Variants in PDE8B observed in about 807,000 individuals in gnomAD.
PDE8B encodes phosphodiesterase 8B.
In PDE8B, 26 loss-of-function variants were observed where a neutral mutation model predicts 101.3. The ratio of observed to expected loss-of-function variants is 0.26; its 90% CI spans 0.19 to 0.36. The LOEUF (loss-of-function observed/expected upper bound fraction) is 0.36, where lower values mean the gene tolerates loss of function less well. PDE8B is among the 10% of genes least tolerant of loss of function. The probability of loss-of-function intolerance (pLI) is 1.00; values close to 1 mark genes in which losing one functional copy is unlikely to be tolerated. For synonymous variants in PDE8B, 424 were observed against 429.3 expected, an observed-to-expected ratio of 0.99 and a Z score of 0.15; for missense variants, 810 against 1,163.1, an observed-to-expected ratio of 0.70 and a Z score of 4.42.
At chr5:77,378,115 G>A (rs886415670) in intron 10 of PDE8B, among the ~76,000 whole-genome samples, 10 of 151,358 alleles carry the variant, frequency 6.6e-5, no homozygotes, top group Admixed American at 6.6e-5. Flanking sequence ...TACCAATGAC[G>A]AAACTGAGAC....
chr5:77,396,813 T>C lies in PDE8B; in HGVS notation c.1168-3435T>C, dbSNP rs117123740. Among the ~76,000 whole-genome samples the C allele has an allele frequency of 4.5e-4, 68 of 152,262 alleles. No individual in the cohort carries two copies. In the East Asian group the frequency reaches 0.012, roughly 26 times the overall value. On this transcript the variant is annotated intron_variant, in intron 10 of 21. Transcript: ENST00000264917. ...CTTTCATGTAGAATTGTTTCTCTTA[T>C]ATTTAGTAGTTTTAATTACATATAT...
chr5:77,374,251 C>A (rs930130501), intron 10 of PDE8B, among the ~76,000 whole-genome samples: 1 of 152,060 alleles, frequency 6.6e-6, no homozygotes, highest in Non-Finnish European at 1.5e-5. Context: ...CACTTACTTT[C>A]AATCTGTGTC....
At chr5:77,336,048 C>T (rs117877383) in intron 5 of PDE8B, among the ~76,000 whole-genome samples, 8 of 152,224 alleles carry the variant, frequency 5.3e-5, no homozygotes, top group East Asian at 3.9e-4. Flanking sequence ...TCTTTAAACG[C>T]GGGACTTGAG....
chr5:77,307,383 A>C (rs1022794242), intron 1 of PDE8B, among the ~76,000 whole-genome samples: 8 of 152,244 alleles, frequency 5.3e-5, no homozygotes, highest in African/African-American at 1.9e-4. Flanking sequence ...GGGAGAGAAA[A>C]TGTCTCTCAA....
the PDE8B span, chr5:77,147,080 A>G: frequency 7.6e-6 from 3 of 394,742 alleles, no homozygotes; most frequent in Non-Finnish European, 1.5e-5. Flanking sequence ...AGCCTGATGC[A>G]GCAAAAAAGG....
Position 77,388,089 on chromosome 5 carries a change from A to C in PDE8B, c.1168-12159A>C, listed in dbSNP as rs1262414306. Among the ~76,000 whole-genome samples the C allele has an allele frequency of 2.6e-5, 4 of 151,982 alleles. No homozygotes were observed. In the South Asian group the frequency reaches 8.3e-4, roughly 32 times the overall value. ...AAGCCTACTTCTGTCAATTCGTCAAACTCATTCTCTGTCCAGTTTTGTTCC... is the reference window on the plus strand; with the variant it reads ...AAGCCTACTTCTGTCAATTCGTCAACCTCATTCTCTGTCCAGTTTTGTTCC... On this transcript the variant is annotated intron_variant, in intron 10 of 21. Transcript: ENST00000264917.
At chr5:77,202,876 A>T in the PDE8B span, among the ~76,000 whole-genome samples, 6 of 152,360 alleles carry the variant, frequency 3.9e-5, no homozygotes, top group African/African-American at 1.4e-4. Flanking sequence ...CTGGGATTAC[A>T]GGTTAGAGCC....
At chr5:77,231,836 G>A (rs1490262397) in intron 1 of PDE8B, among the ~76,000 whole-genome samples, 2 of 152,210 alleles carry the variant, frequency 1.3e-5, no homozygotes, top group Non-Finnish European at 2.9e-5. Flanking sequence ...GAAGGCACAT[G>A]CTATTGCCAG....
chr5:77,323,786 A>G (rs1028948719), intron 2 of PDE8B, among the ~76,000 whole-genome samples: 11 of 151,998 alleles, frequency 7.2e-5, no homozygotes, highest in Non-Finnish European at 1.2e-4. Context: ...GCGAAACCCC[A>G]TTTCTACTAA....
At chr5:77,281,927 G>A (rs890432099) in intron 1 of PDE8B, among the ~76,000 whole-genome samples, 2 of 152,168 alleles carry the variant, frequency 1.3e-5, no homozygotes, top group East Asian at 1.9e-4. Flanking sequence ...TTGTGGGAGC[G>A]ATCTGAGGTT....
chr5:77,111,846 A>G, the PDE8B span: 11 of 152,256 alleles, frequency 7.2e-5, no homozygotes, highest in African/African-American at 2.6e-4. Flanking sequence ...ATTGGAAGGA[A>G]TTCAGGTCTG....
intron 6 of PDE8B, among the ~76,000 whole-genome samples, chr5:77,343,950 G>A (rs1186360991): frequency 6.8e-6 from 1 of 146,708 alleles, no homozygotes; most frequent in Non-Finnish European, 1.5e-5. Context: ...CCTACACAGA[G>A]TCAGGATCAT....
At chr5:77,118,359 G>A in the PDE8B span, 1 of 398,688 alleles carries the variant, frequency 2.5e-6, no homozygotes, top group Non-Finnish European at 4.4e-6. Context: ...GGACAGGGCA[G>A]GCCGAAGGAG....
At chr5:77,286,775 A>G (rs1766105883) in intron 1 of PDE8B, among the ~76,000 whole-genome samples, 1 of 152,096 alleles carries the variant, frequency 6.6e-6, no homozygotes, top group Non-Finnish European at 1.5e-5. Flanking sequence ...TGTTTTTCTT[A>G]TCTTGATTTC....
chr5:77,260,836 C>T (rs1458561738), intron 1 of PDE8B, among the ~76,000 whole-genome samples: 1 of 151,986 alleles, frequency 6.6e-6, no homozygotes, highest in African/African-American at 2.4e-5. Flanking sequence ...TCAAGTGATC[C>T]ACCTGTCTCA....
chr5:77,133,936 G>A, the PDE8B span, among the ~76,000 whole-genome samples: 6 of 152,180 alleles, frequency 3.9e-5, no homozygotes, highest in South Asian at 2.1e-4. Flanking sequence ...AGGTTCCACA[G>A]TTCATCCTCA....
intron 10 of PDE8B, among the ~76,000 whole-genome samples, chr5:77,378,624 G>A (rs1786821343): frequency 6.6e-6 from 1 of 152,150 alleles, no homozygotes; most frequent in Non-Finnish European, 1.5e-5. Context: ...GAGAGCTTGC[G>A]AGTCAGTAGT....
At chr5:77,256,462 T>C (rs1759194041) in intron 1 of PDE8B, among the ~76,000 whole-genome samples, 1 of 152,222 alleles carries the variant, frequency 6.6e-6, no homozygotes, top group African/African-American at 2.4e-5. Context: ...AACATAATAT[T>C]CTATATCCAT....
chr5:77,296,528 G>A (rs1181761695), intron 1 of PDE8B, among the ~76,000 whole-genome samples: 2 of 152,100 alleles, frequency 1.3e-5, no homozygotes, highest in African/African-American at 2.4e-5. Flanking sequence ...GTGAGCCACC[G>A]CTCCCAGCCC....
Sources: gnomAD v4.1 joint callset for allele counts (sites outside exome capture counted in the v4.1 genomes callset) on GRCh38, gnomAD v4.1.1 for gene constraint, MANE v1.5 for transcripts, NCBI Gene and HGNC (gene_info 2026-07-23, HGNC 2026-07-21) for gene names.